The following IKZF2 variants were observed in gnomAD, a reference collection of about 807,000 sequenced individuals.
IKZF2 encodes the protein zinc finger protein Helios.
In IKZF2, 15 loss-of-function variants were observed where a neutral mutation model predicts 49.2. The ratio of observed to expected loss-of-function variants is 0.30; its 90% CI spans 0.20 to 0.47. The LOEUF (loss-of-function observed/expected upper bound fraction) is 0.47. IKZF2 is among the 20% of genes least tolerant of loss of function. The pLI is 1.00. For missense variants in IKZF2, 567 were observed against 664.6 expected, an observed-to-expected ratio of 0.85 and a Z score of 1.61; for synonymous variants, 227 against 221.4, an observed-to-expected ratio of 1.03 and a Z score of -0.23.
chr2:213,108,240 T>C (rs146306712), intron 4 of IKZF2, among the ~76,000 whole-genome samples: 39 of 152,276 alleles, frequency 2.6e-4, no homozygotes, highest in African/African-American at 7.0e-4. Context: ...GTGATTTTTA[T>C]TGAGGAAAAA....
chr2:213,075,484 TGTG>T (rs1431671851), intron 4 of IKZF2, among the ~76,000 whole-genome samples: 2 of 152,132 alleles, frequency 1.3e-5, no homozygotes, highest in African/African-American at 4.8e-5. Flanking sequence ...GTTCCCCCAA[TGTG>T]GATGTTGTCA....
chr2:213,079,495 A>AAG (rs369197720), intron 4 of IKZF2, among the ~76,000 whole-genome samples: 1 of 149,146 alleles, frequency 6.7e-6, no homozygotes, highest in African/African-American at 2.5e-5. Flanking sequence ...GAAAAAAAGA[A>AAG]AGAGAGAGAG....
intron 4 of IKZF2, among the ~76,000 whole-genome samples, chr2:213,130,425 T>C (rs1006646459): frequency 6.6e-6 from 1 of 152,118 alleles, no homozygotes; most frequent in African/African-American, 2.4e-5. Context: ...GAGAACACAG[T>C]AAGATCCAAA....
chr2:213,037,020 C>T (rs1699102249), intron 6 of IKZF2, among the ~76,000 whole-genome samples: 2 of 152,160 alleles, frequency 1.3e-5, no homozygotes, highest in South Asian at 4.1e-4. Context: ...TGCGTGCAGC[C>T]TCTCCACTTC....
chr2:213,107,067 A>G (rs2059558630), intron 4 of IKZF2, among the ~76,000 whole-genome samples: 1 of 152,174 alleles, frequency 6.6e-6, no homozygotes, highest in Non-Finnish European at 1.5e-5. Flanking sequence ...CACGGTAAGG[A>G]GAATGTACCT....
chr2:213,040,836 G>A (rs1435484764), intron 6 of IKZF2, among the ~76,000 whole-genome samples: 1 of 152,198 alleles, frequency 6.6e-6, no homozygotes, highest in African/African-American at 2.4e-5. Flanking sequence ...AGTCACTTAA[G>A]GGTGGGCGCA....
chr2:213,064,765 A>G (rs1202641880), intron 4 of IKZF2, among the ~76,000 whole-genome samples: 1 of 151,946 alleles, frequency 6.6e-6, no homozygotes, highest in Non-Finnish European at 1.5e-5. Context: ...TTCTTGGGCA[A>G]TACAACTACT....
intron 4 of IKZF2, among the ~76,000 whole-genome samples, chr2:213,129,720 A>C (rs1247777862): frequency 6.6e-6 from 1 of 152,224 alleles, no homozygotes; most frequent in Non-Finnish European, 1.5e-5. Context: ...ACTACAGAGA[A>C]GCAAGAATGG....
At chr2:213,077,217 G>A (rs1176727405) in intron 4 of IKZF2, among the ~76,000 whole-genome samples, 1 of 152,186 alleles carries the variant, frequency 6.6e-6, no homozygotes, top group African/African-American at 2.4e-5. Flanking sequence ...ACAAATAAGT[G>A]TATTAATGTG....
intron 6 of IKZF2, among the ~76,000 whole-genome samples, chr2:213,031,518 G>A (rs1431654751): frequency 6.6e-6 from 1 of 152,146 alleles, no homozygotes. Context: ...ATTCAAACAA[G>A]AAAATGTCTT....
In IKZF2 at chr2:213,083,551, C is replaced by CTTT. The variant is rs35297007; in HGVS notation, c.140-26455_140-26453dup. Among the ~76,000 whole-genome samples, 65 of 93,950 alleles carry CTTT rather than the reference C, an allele frequency of 6.9e-4. 1 individual carries two copies. Among genetic ancestry groups the CTTT allele is most frequent in the Non-Finnish European group, 1.1e-3 (52 of 48,886 alleles). The allele number at this position is 93,950 out of a possible 152,430, so 61.6% of individuals were successfully genotyped here. A position where few individuals can be genotyped will look rare whatever the true frequency, so the allele number is the denominator to read the frequency against. On this transcript the variant is annotated intron_variant, in intron 4 of 8. Transcript: ENST00000434687. ...GACATGCGCCACCACACCAGGCTAA[C>CTTT]TTTTTTTTTTTTTTTTTTTTTTGTA...
At position 213,082,248 on chromosome 2, in the gene IKZF2, G is replaced by A. The variant is rs138452014; in HGVS notation, c.140-25149C>T. 1.4e-4 allele frequency among the ~76,000 whole-genome samples: 21 copies of A among 152,272 alleles called. No individual in the cohort carries two copies. In the East Asian group the frequency reaches 3.9e-3, roughly 28 times the overall value. ...AGGCTTGCAATAGAAAAACTATTGT[G>A]CTAAGTTTGAGGAATAAATACAACG... On this transcript the variant is annotated intron_variant, in intron 4 of 8. Transcript: ENST00000434687.
At chr2:213,066,847 C>T (rs1221162192) in intron 4 of IKZF2, among the ~76,000 whole-genome samples, 1 of 152,002 alleles carries the variant, frequency 6.6e-6, no homozygotes, top group African/African-American at 2.4e-5. Context: ...GTATTTAAAT[C>T]ATGGAAATAC....
chr2:213,022,351 C>T (rs1697319934), intron 6 of IKZF2, among the ~76,000 whole-genome samples: 1 of 152,178 alleles, frequency 6.6e-6, no homozygotes, highest in African/African-American at 2.4e-5. Flanking sequence ...AGGGGAAATA[C>T]TGAATCAAAT....
intron 6 of IKZF2, among the ~76,000 whole-genome samples, chr2:213,040,022 T>C (rs1329319254): frequency 1.3e-5 from 2 of 152,228 alleles, no homozygotes; most frequent in Middle Eastern, 3.4e-3. Flanking sequence ...TTTGGGAAAT[T>C]AAGATTTTTA....
At chr2:213,113,864 A>T (rs1292460873) in intron 4 of IKZF2, among the ~76,000 whole-genome samples, 4 of 152,182 alleles carry the variant, frequency 2.6e-5, no homozygotes, top group Admixed American at 2.6e-4. Flanking sequence ...AGGATACACA[A>T]GTTTGACAGA....
chr2:213,027,878 G>T (rs987360261), intron 6 of IKZF2, among the ~76,000 whole-genome samples: 11 of 152,032 alleles, frequency 7.2e-5, no homozygotes, highest in Non-Finnish European at 1.5e-4. Flanking sequence ...CTGGTCTAAA[G>T]TCTCTAATTT....
Position 213,005,159 on chromosome 2 carries a change from G to A in IKZF2, c.*2201C>T, listed in dbSNP as rs1253756137. 7.5e-6 allele frequency: 1 copy of A among 132,892 alleles called. No individual in the cohort carries two copies. The highest frequency in any genetic ancestry group is 9.4e-5 in the Admixed American group (1 of 10,634). 8.2% of individuals were successfully genotyped at this position (132,892 alleles called of 1,614,324 possible). On this transcript the variant is annotated 3_prime_UTR_variant, in exon 9 of 9. Transcript: ENST00000434687. ...TACCTCATCCAAAAGGAAAAAAAAT[G>A]GCATCCCAATTATTATTTGGGAGTG...
At chr2:213,149,913 AG>A (rs1333741106) in intron 2 of IKZF2, among the ~76,000 whole-genome samples, 3 of 152,234 alleles carry the variant, frequency 2.0e-5, no homozygotes, top group Non-Finnish European at 4.4e-5. Context: ...TGATTACATA[AG>A]GCTTTAAAGA....
Sources: gnomAD v4.1 joint callset for allele counts (sites outside exome capture counted in the v4.1 genomes callset) on GRCh38, gnomAD v4.1.1 for gene constraint, MANE v1.5 for transcripts, NCBI Gene and HGNC (gene_info 2026-07-23, HGNC 2026-07-21) for gene names.